DTWD1: variants seen among roughly 807,000 people sequenced by gnomAD.
DTWD1 encodes the protein DTW motif tRNA-uridine aminocarboxypropyltransferase 1, also known as tRNA-uridine aminocarboxypropyltransferase 1.
DTWD1 carries 27 observed loss-of-function variants against 30.2 expected under a neutral mutation model. The observed-to-expected ratio is 0.90, with a 90% CI of 0.66 to 1.23. DTWD1 has a LOEUF of 1.23. Ranked by LOEUF, DTWD1 falls within the 50% of genes most tolerant of loss-of-function variation. The probability of loss-of-function intolerance (pLI) is 0.00; values close to 1 mark genes in which losing one functional copy is unlikely to be tolerated. For missense variants in DTWD1, 342 were observed against 348.8 expected, an observed-to-expected ratio of 0.98 and a Z score of 0.15; for synonymous variants, 99 against 113.1, an observed-to-expected ratio of 0.88 and a Z score of 0.79.
In DTWD1 at chr15:49,654,378, C is replaced by T. The variant is rs887655162; in HGVS notation, c.*10800C>T. 3.3e-5 allele frequency: 5 copies of T among 152,074 alleles called. No individual in the cohort carries two copies. Among genetic ancestry groups the T allele is most frequent in the African/African-American group, 1.2e-4 (5 of 41,432 alleles). The allele number at this position is 152,074 out of a possible 1,614,324, so 9.4% of individuals were successfully genotyped here. The stretch of plus-strand genomic sequence containing the variant: ...GACTCCTCTCTTCAGAGGGTAGAGT[C>T]CATTTCCTTTTCCTTTTAATCTGGA... On this transcript the variant is annotated 3_prime_UTR_variant, in exon 5 of 5. Coordinates refer to ENST00000403028, the MANE Select transcript of DTWD1 (RefSeq NM_001144955.2).
chr15:49,639,912 TTTTG>T (rs1422664128), intron 4 of DTWD1, among the ~76,000 whole-genome samples: 4 of 152,070 alleles, frequency 2.6e-5, no homozygotes, highest in East Asian at 1.9e-4. Flanking sequence ...AGCAAAGAGG[TTTTG>T]TTTGTTTGTT....
intron 4 of DTWD1, among the ~76,000 whole-genome samples, chr15:49,639,351 A>G (rs141719920): frequency 2.6e-5 from 4 of 152,174 alleles, no homozygotes; most frequent in Non-Finnish European, 4.4e-5. Context: ...ACTTGAACAC[A>G]GGAGTTCTAG....
rs545108310 is a variant in DTWD1 at position 49,648,057 on chromosome 15, A to G, written c.*4479A>G. The G allele has an allele frequency of 6.6e-6, 1 of 152,190 alleles. No individual in the cohort carries two copies. The highest frequency in any genetic ancestry group is 2.4e-5 in the African/African-American group (1 of 41,458). 9.4% of individuals were successfully genotyped at this position (152,190 alleles called of 1,614,324 possible). On this transcript the variant is annotated 3_prime_UTR_variant, in exon 5 of 5. Coordinates refer to ENST00000403028, the MANE Select transcript of DTWD1 (RefSeq NM_001144955.2). ...GCTACATGTTACATTGTATTTAATT[A>G]AAAACCTTAAGAGGAAAGGCAATAG... is the stretch of plus-strand genomic sequence containing the variant.
chr15:49,633,043 C>CTATCTATATATACATA (rs1555588572), intron 3 of DTWD1, among the ~76,000 whole-genome samples: 1 of 129,492 alleles, frequency 7.7e-6, no homozygotes, highest in Non-Finnish European at 1.6e-5. Flanking sequence ...CTATTTATAT[C>CTATCTATATATACATA]TATATCTATA....
chr15:49,625,413 A>G lies in DTWD1; in HGVS notation c.246A>G (p.Glu82=), dbSNP rs777379795. 2 of 1,612,332 alleles carry G rather than the reference A, an allele frequency of 1.2e-6. No homozygotes were observed. Among genetic ancestry groups the G allele is most frequent in the South Asian group, 2.2e-5 (2 of 90,630 alleles). Residue 82 remains glutamate (E), a synonymous_variant, in exon 2 of 5, where the codon GAA becomes GAG. Coordinates refer to ENST00000403028, the MANE Select transcript of DTWD1 (RefSeq NM_001144955.2). ...CYVPVENVPI[E]QIPLVKLPLK... is the part of the protein sequence containing the mutation. ...TTCCAGTTGAAAATGTACCTATTGA[A>G]CAGATTCCACTTGTGAAGGTTAGTA... is the stretch of plus-strand genomic sequence containing the variant.
At chr15:49,636,802 T>C (rs893919468) in intron 4 of DTWD1, among the ~76,000 whole-genome samples, 2 of 152,200 alleles carry the variant, frequency 1.3e-5, no homozygotes, top group Admixed American at 1.3e-4. Flanking sequence ...ATTCATACTT[T>C]ATTGTTGCAT....
In DTWD1 at chr15:49,634,921, TTCTC is replaced by T. The variant is rs900624265; in HGVS notation, c.667+131_667+134del. On this transcript the variant is annotated intron_variant, in intron 4 of 4. Transcript: ENST00000403028. Reference sequence around the variant, plus strand: ...ATACATTTTGCCATATTTACTTTATTTCTCTCTTTTTATTATATATGTGAGTGTG... The same window carrying T: ...ATACATTTTGCCATATTTACTTTATTTCTTTTTATTATATATGTGAGTGTG... 13 of 839,250 alleles carry T rather than the reference TTCTC, an allele frequency of 1.5e-5. No individual in the cohort carries two copies. In the Admixed American group the frequency reaches 3.3e-4, roughly 21 times the overall value. The allele number at this position is 839,250 out of a possible 1,614,324, so 52.0% of individuals were successfully genotyped here. A position where few individuals can be genotyped will look rare whatever the true frequency, so the allele number is the denominator to read the frequency against.
chr15:49,623,174 A>G, intron 1 of DTWD1, among the ~76,000 whole-genome samples: 1 of 152,212 alleles, frequency 6.6e-6, no homozygotes, highest in African/African-American at 2.4e-5. Context: ...CTAAATAGCT[A>G]CTCCATTACC....
chr15:49,632,740 T>A (rs544639415), intron 3 of DTWD1, among the ~76,000 whole-genome samples: 6 of 152,334 alleles, frequency 3.9e-5, no homozygotes, highest in African/African-American at 1.4e-4. Context: ...CTTTAGTGCA[T>A]AGCCTTTATA....
rs142632556 is a variant in DTWD1, at chr15:49,643,154, G to A, written c.668-177G>A. The stretch of plus-strand genomic sequence containing the variant: ...ATGTTGCTTCTGTATATACCTTGAG[G>A]TGTTTAAGAAAATATCTTGTTTCAA... On this transcript the variant is annotated intron_variant, in intron 4 of 4. Coordinates refer to ENST00000403028, the MANE Select transcript of DTWD1 (RefSeq NM_001144955.2). 1.8e-4 allele frequency among the ~76,000 whole-genome samples: 28 copies of A among 151,996 alleles called. No homozygotes were observed. The East Asian group carries it at 5.0e-3, about 27-fold the overall frequency.
intron 3 of DTWD1, 84 bp from the exon 4 acceptor site, chr15:49,634,452 T>G: frequency 1.4e-6 from 2 of 1,407,234 alleles, no homozygotes; most frequent in Non-Finnish European, 1.9e-6. Flanking sequence ...TCAACATATC[T>G]TTCTTAAAAT....
At chr15:49,625,573 G>A in intron 2 of DTWD1, 142 bp downstream of exon 2, 1 of 920,740 alleles carries the variant, frequency 1.1e-6, no homozygotes, top group Non-Finnish European at 1.6e-6. Flanking sequence ...AGAAAAACTA[G>A]CACTTAGACA....
rs927070714 is a variant in DTWD1, at chr15:49,644,642, GTCA to G, written c.*1071_*1073del. 9.9e-5 allele frequency: 15 copies of G among 152,136 alleles called. No homozygotes were observed. Among genetic ancestry groups the G allele is most frequent in the African/African-American group, 2.7e-4 (11 of 41,410 alleles). 9.4% of individuals were successfully genotyped at this position (152,136 alleles called of 1,614,324 possible). On this transcript the variant is annotated 3_prime_UTR_variant, in exon 5 of 5. Coordinates refer to ENST00000403028, the MANE Select transcript of DTWD1 (RefSeq NM_001144955.2). The stretch of plus-strand genomic sequence containing the variant: ...ATTTCCCTGGCTCCTTTCCTGCCAT[GTCA>G]TCATCAGTTGGCTGTGTTCCTCTAC...
Position 49,632,170 on chromosome 15 carries a change from G to A in DTWD1, c.276G>A (p.Lys92=). 1 of 1,569,784 alleles carries A rather than the reference G, an allele frequency of 6.4e-7. No individual in the cohort carries two copies. Among genetic ancestry groups the A allele is most frequent in the Non-Finnish European group, 8.6e-7 (1 of 1,166,850 alleles). ...EQIPLVKLPL[K]IDIIKHPNET... Reference sequence around the variant, plus strand: ...TTTTTTACCTTTAGCTTCCATTGAAGATTGACATCATTAAACATCCAAATG... The same window carrying A: ...TTTTTTACCTTTAGCTTCCATTGAAAATTGACATCATTAAACATCCAAATG... The change falls in exon 3 of 5, where the codon AAG becomes AAA. Residue 92 remains lysine (K), a synonymous_variant. Transcript: ENST00000403028.
chr15:49,650,919 A>T lies in DTWD1; in HGVS notation c.*7341A>T, dbSNP rs554722538. The T allele has an allele frequency of 6.6e-6, 1 of 152,302 alleles. No homozygotes were observed. The highest frequency in any genetic ancestry group is 1.9e-4 in the East Asian group (1 of 5,178). 9.4% of individuals were successfully genotyped at this position (152,302 alleles called of 1,614,324 possible). A position where few individuals can be genotyped will look rare whatever the true frequency, so the allele number is the denominator to read the frequency against. On this transcript the variant is annotated 3_prime_UTR_variant, in exon 5 of 5. Transcript: ENST00000403028. Reference sequence around the variant, plus strand: ...CCTGTGGTAATTGTTAGTAGGAGTGATCTGAGCTGCCAATGAGAATCCCAT... The same window carrying T: ...CCTGTGGTAATTGTTAGTAGGAGTGTTCTGAGCTGCCAATGAGAATCCCAT...
In DTWD1 at chr15:49,643,400, C is replaced by T; in HGVS notation, c.737C>T (p.Thr246Ile). The T allele has an allele frequency of 6.4e-7, 1 of 1,555,080 alleles. No homozygotes were observed. Among genetic ancestry groups the T allele is most frequent in the Non-Finnish European group, 8.7e-7 (1 of 1,150,202 alleles). The change falls in exon 5 of 5, where the codon ACT (threonine) becomes ATT (isoleucine). Residue 246 changes from threonine (T) to isoleucine (I), a missense_variant. By Grantham distance (89) the Thr-to-Ile change is moderately conservative (BLOSUM62 -1). Transcript: ENST00000403028. Reference protein sequence around the residue: ...FWRHQKGKPDTFLSTIEAIYY... With the variant: ...FWRHQKGKPDIFLSTIEAIYY... ...CGCCATCAAAAAGGAAAGCCAGATA[C>T]TTTCCTTTCTACAATTGAAGCCATT...
intron 4 of DTWD1, among the ~76,000 whole-genome samples, chr15:49,636,827 C>T (rs2079008974): frequency 6.6e-6 from 1 of 152,124 alleles, no homozygotes; most frequent in African/African-American, 2.4e-5. Flanking sequence ...TTAGGAGGCA[C>T]ATAATGCAAA....
intron 3 of DTWD1, among the ~76,000 whole-genome samples, 185 bp from the exon 4 acceptor site, chr15:49,634,351 T>C (rs1248707233): frequency 6.6e-6 from 1 of 152,122 alleles, no homozygotes; most frequent in Non-Finnish European, 1.5e-5. Flanking sequence ...ATATTATGAT[T>C]ATAAATTACT....
chr15:49,637,227 T>C (rs1211741701), intron 4 of DTWD1, among the ~76,000 whole-genome samples: 1 of 152,134 alleles, frequency 6.6e-6, no homozygotes, highest in African/African-American at 2.4e-5. Flanking sequence ...TAATAAATTA[T>C]AGTGTAGCAT....
Sources: gnomAD v4.1 joint callset for allele counts (sites outside exome capture counted in the v4.1 genomes callset) on GRCh38, gnomAD v4.1.1 for gene constraint, MANE v1.5 for transcripts, NCBI Gene and HGNC (gene_info 2026-07-23, HGNC 2026-07-21) for gene names.